The following RYR1 variants were observed in gnomAD, a reference collection of about 807,000 sequenced individuals.
RYR1 encodes the protein central core disease of muscle.
RYR1 carries 342 observed loss-of-function variants against 583.5 expected under a neutral mutation model. The ratio of observed to expected loss-of-function variants is 0.59; its 90% confidence interval spans 0.54 to 0.64. The LOEUF is 0.64. Ranked by LOEUF, RYR1 falls within the 30% of genes least tolerant of loss-of-function variation. The pLI is 0.00. For missense variants in RYR1, 6,032 were observed against 6,917.2 expected (o/e 0.87, Z 4.54); for synonymous variants, 2,791 against 2,822.5 (o/e 0.99, Z 0.35).
intron 105 of RYR1, 152 bp from the exon 106 acceptor site, chr19:38,587,173 C>G (rs550143988): frequency 3.1e-6 from 2 of 653,044 alleles, no homozygotes; most frequent in African/African-American, 3.7e-5. Flanking sequence ...GGTGGAGAAT[C>G]GCTTGAGCCA....
intron 88 of RYR1, 55 bp from the exon 89 acceptor site, chr19:38,548,178 G>C (rs1344313531): frequency 2.5e-6 from 4 of 1,605,942 alleles, no homozygotes; most frequent in Non-Finnish European, 3.4e-6. Context: ...GGCAAGCCTG[G>C]TGGGGCCCCA....
intron 47 of RYR1, among the ~76,000 whole-genome samples, 197 bp from the exon 48 acceptor site, chr19:38,502,310 A>G (rs1308367181): frequency 6.8e-6 from 1 of 146,412 alleles, no homozygotes; most frequent in Non-Finnish European, 1.5e-5. Flanking sequence ...CATAATCCAA[A>G]GTAGTAAGTG....
At position 38,509,430 on chromosome 19, in the gene RYR1, GTATTAT is replaced by G. The variant is rs995552797; in HGVS notation, c.8933-1051_8933-1046del. ...AGCAAGTGTTTAATAATTGGAGCCA[GTATTAT>G]TATTATTATTATTATTTTTTTTTTT... On this transcript the variant is annotated intron_variant, in intron 58 of 105. Coordinates refer to ENST00000359596, the MANE Select transcript of RYR1 (RefSeq NM_000540.3). Among the ~76,000 whole-genome samples, 1,347 of 139,870 alleles carry G rather than the reference GTATTAT, an allele frequency of 9.6e-3. 12 individuals carry two copies. Among genetic ancestry groups the G allele is most frequent in the Non-Finnish European group, 0.015 (977 of 65,666 alleles). The allele number at this position is 139,870 out of a possible 152,430, so 91.8% of individuals were successfully genotyped here. A position where few individuals can be genotyped will look rare whatever the true frequency, so the allele number is the denominator to read the frequency against.
Position 38,523,921 on chromosome 19 carries a change from G to C in RYR1, c.10447G>C (p.Asp3483His), listed in dbSNP as rs1468022405. The change falls in exon 70 of 106, where the codon GAT (aspartate) becomes CAT (histidine). Residue 3483 changes from aspartate to histidine, a missense_variant. Around this residue, in one of 11 missense-constraint regions of RYR1, gnomAD observed 1,493 missense variants for 1,715.5 expected, o/e 0.87. Coordinates refer to ENST00000359596, the MANE Select transcript of RYR1 (RefSeq NM_000540.3). ...DNKSKMAKAG[D>H]IQSGGSDQER... ...CTGCGGTCCGGTGAAGCAGGCGGGA[G>C]ATATACAGGTCAGCCCCACATCTGG... 6.2e-7 allele frequency: 1 copy of C among 1,613,840 alleles called. No individual in the cohort carries two copies. Among genetic ancestry groups the C allele is most frequent in the Non-Finnish European group, 8.5e-7 (1 of 1,180,006 alleles).
rs979528907 is a variant in RYR1, at chr19:38,534,626, G to T, written c.11260-94G>T. ...GGTTGAAGGAGTGAGTTGTGGATGT[G>T]GCTGGAACAGGGAGGGCAGAAGTGA... is the stretch of plus-strand genomic sequence containing the variant. On this transcript the variant is annotated intron_variant, in intron 78 of 105. Coordinates refer to ENST00000359596, the MANE Select transcript of RYR1 (RefSeq NM_000540.3). 28 of 1,061,052 alleles carry T rather than the reference G, an allele frequency of 2.6e-5. No individual in the cohort carries two copies. The African/African-American group carries it at 3.9e-4, about 15-fold the overall frequency. 65.7% of individuals were successfully genotyped at this position (1,061,052 alleles called of 1,614,324 possible). A position where few individuals can be genotyped will look rare whatever the true frequency, so the allele number is the denominator to read the frequency against.
rs998599671 is a variant in RYR1 at position 38,583,100 on chromosome 19, C to G, written c.14647-1843C>G. On this transcript the variant is annotated intron_variant, in intron 101 of 105. Coordinates refer to ENST00000359596, the MANE Select transcript of RYR1 (RefSeq NM_000540.3). ...TCATCTGAGGTCAAGAGTTTGAGAC[C>G]AGTCTGGCCAACGTGGTGAAACCCT... Among the ~76,000 whole-genome samples, 8 of 151,982 alleles carry G rather than the reference C, an allele frequency of 5.3e-5. No homozygotes were observed. The South Asian group carries it at 1.5e-3, about 28-fold the overall frequency.
intron 82 of RYR1, 64 bp from the exon 83 acceptor site, chr19:38,536,686 C>A (rs556611627): frequency 3.8e-5 from 60 of 1,592,704 alleles, no homozygotes; most frequent in Admixed American, 3.7e-4. Flanking sequence ...TGTTTGCGGT[C>A]TGTCTCCCTC....
At chr19:38,528,569 T>C (rs746438970) in intron 74 of RYR1, 30 bp from the exon 75 acceptor site, 1 of 1,612,050 alleles carries the variant, frequency 6.2e-7, no homozygotes, top group Non-Finnish European at 8.5e-7. Context: ...GGAGGGCGCG[T>C]CCCAGTGACG....
At chr19:38,567,074 G>A in intron 92 of RYR1, 87 bp downstream of exon 92, 1 of 1,541,498 alleles carries the variant, frequency 6.5e-7, no homozygotes, top group Non-Finnish European at 8.7e-7. Flanking sequence ...CCCCAAGGCT[G>A]TCCTGGCCAC....
chr19:38,485,650 C>A lies in RYR1; in HGVS notation c.4995C>A (p.Thr1665=). The change falls in exon 34 of 106, where the codon ACC becomes ACA. Residue 1665 remains threonine, a synonymous_variant. Coordinates refer to ENST00000359596, the MANE Select transcript of RYR1 (RefSeq NM_000540.3). ...ACCTGCAGCGCTTCCACTCGCACACCCTGCGCCTCTACCGCGCTGTGTGCG... is the reference window on the plus strand; with the variant it reads ...ACCTGCAGCGCTTCCACTCGCACACACTGCGCCTCTACCGCGCTGTGTGCG... ...RLDLQRFHSH[T]LRLYRAVCAL... 6.2e-7 allele frequency: 1 copy of A among 1,610,808 alleles called. No individual in the cohort carries two copies. The highest frequency in any genetic ancestry group is 8.5e-7 in the Non-Finnish European group (1 of 1,179,946).
At chr19:38,472,104 G>T (rs1028403947) in intron 27 of RYR1, among the ~76,000 whole-genome samples, 4 of 151,670 alleles carry the variant, frequency 2.6e-5, no homozygotes, top group Admixed American at 2.0e-4. Flanking sequence ...ATTGTTTTTG[G>T]TTTTTGTTTT....
intron 58 of RYR1, 75 bp downstream of exon 58, chr19:38,507,902 C>T: frequency 1.1e-6 from 1 of 876,134 alleles, no homozygotes. Context: ...TCACCTAGGA[C>T]ACCTGTTCAT....
chr19:38,556,143 C>T (rs1972869342), intron 89 of RYR1, among the ~76,000 whole-genome samples: 2 of 152,064 alleles, frequency 1.3e-5, no homozygotes, highest in East Asian at 2.0e-4. Context: ...GGATTACAGG[C>T]GTGAGTCACC....
In RYR1 at chr19:38,489,164, CTT is replaced by C; in HGVS notation, c.5548-11_5548-10del. The C allele has an allele frequency of 1.9e-6, 3 of 1,614,006 alleles. No individual in the cohort carries two copies. The highest frequency in any genetic ancestry group is 2.2e-5 in the South Asian group (2 of 91,074). Reference sequence around the variant, plus strand: ...TGCAGGCCACAGTGAAGAACCGAGACTTTGTCCTGTAGGTGATGGGCATCTTT... The same window carrying C: ...TGCAGGCCACAGTGAAGAACCGAGACTGTCCTGTAGGTGATGGGCATCTTT... On this transcript the variant is annotated splice_polypyrimidine_tract_variant and intron_variant, in intron 34 of 105. Coordinates refer to ENST00000359596, the MANE Select transcript of RYR1 (RefSeq NM_000540.3).
chr19:38,523,869 G>A (rs1281062837), intron 69 of RYR1, 46 bp from the exon 70 acceptor site: 6 of 1,613,922 alleles, frequency 3.7e-6, no homozygotes, highest in Non-Finnish European at 5.1e-6. Flanking sequence ...TTCTCTGCGG[G>A]GCTGGGGTAA....
intron 19 of RYR1, 137 bp from the exon 20 acceptor site, chr19:38,460,238 A>G: frequency 2.6e-6 from 2 of 779,716 alleles, no homozygotes; most frequent in Non-Finnish European, 4.6e-6. Context: ...GACCTCCAGG[A>G]CACTATGACT....
chr19:38,572,240 TC>T lies in RYR1; in HGVS notation c.13969del (p.Leu4657SerfsTer14). On this transcript the variant is annotated frameshift_variant, in exon 95 of 106. Coordinates refer to ENST00000359596, the MANE Select transcript of RYR1 (RefSeq NM_000540.3). LOFTEE classifies it high-confidence loss of function. ...LSLLHTLVAF[L>X]CIIGYNCLKV... is the part of the protein sequence containing the mutation. ...GCCTCCTGCATACACTGGTGGCCTT[TC>T]TCTGCATCATTGGCTATAATTGTCT... 1 of 1,612,442 alleles carries T rather than the reference TC, an allele frequency of 6.2e-7. No individual in the cohort carries two copies.
At chr19:38,564,821 T>G in intron 90 of RYR1, 138 bp from the exon 91 acceptor site, 1 of 1,451,976 alleles carries the variant, frequency 6.9e-7, no homozygotes, top group Non-Finnish European at 9.2e-7. Context: ...AGCCTGACCC[T>G]GTCTCAAAAA....
intron 97 of RYR1, among the ~76,000 whole-genome samples, chr19:38,577,256 G>C (rs4801804): frequency 6.6e-6 from 1 of 152,026 alleles, no homozygotes; most frequent in Non-Finnish European, 1.5e-5. Context: ...GTAATAATAC[G>C]GCCAACCCTA....
Sources: gnomAD v4.1 joint callset for allele counts (sites outside exome capture counted in the v4.1 genomes callset) on GRCh38, gnomAD v4.1.1 for gene constraint, gnomAD v4.1.1 regional missense constraint, MANE v1.5 for transcripts, NCBI Gene and HGNC (gene_info 2026-07-23, HGNC 2026-07-21) for gene names.